The following HDAC9 variants were observed in gnomAD, a reference collection of about 807,000 sequenced individuals.
HDAC9 encodes the protein MEF-2 interacting transcription repressor (MITR) protein.
HDAC9 carries 41 observed loss-of-function variants against 139.4 expected under a neutral mutation model. That is an observed-to-expected ratio of 0.29 (90% CI 0.23 to 0.38). The LOEUF (loss-of-function observed/expected upper bound fraction) is 0.38, where lower values mean the gene tolerates loss of function less well. Ranked by LOEUF, HDAC9 falls within the 10% of genes least tolerant of loss-of-function variation. The pLI, the probability that HDAC9 is intolerant of heterozygous loss-of-function variation, is 1.00. For synonymous variants in HDAC9, 517 were observed against 476.2 expected, an observed-to-expected ratio of 1.09 and a Z score of -1.12; for missense variants, 1,147 against 1,297.0, an observed-to-expected ratio of 0.88 and a Z score of 1.78.
chr7:18,216,833 A>C (rs1373526602), intron 2 of HDAC9, among the ~76,000 whole-genome samples: 1 of 152,142 alleles, frequency 6.6e-6, no homozygotes, highest in East Asian at 1.9e-4. Flanking sequence ...CAGGGTTACT[A>C]GGCCCATCAC....
chr7:18,237,062 C>T (rs1793870099), intron 2 of HDAC9, among the ~76,000 whole-genome samples: 1 of 152,212 alleles, frequency 6.6e-6, no homozygotes, highest in Admixed American at 6.5e-5. Flanking sequence ...TGACTTAAGA[C>T]CTCCACTGGG....
chr7:18,242,897 A>G (rs540220054), intron 2 of HDAC9, among the ~76,000 whole-genome samples: 1 of 152,316 alleles, frequency 6.6e-6, no homozygotes, highest in Admixed American at 6.5e-5. Context: ...ACATTTGTTG[A>G]CAGAAAGAGA....
intron 16 of HDAC9, among the ~76,000 whole-genome samples, chr7:18,773,644 C>T (rs555162299): frequency 2.0e-5 from 3 of 152,108 alleles, no homozygotes; most frequent in African/African-American, 7.2e-5. Context: ...CTGATTGCTA[C>T]TTCTGACTGC....
intron 2 of HDAC9, among the ~76,000 whole-genome samples, chr7:18,530,162 C>T (rs995454310): frequency 2.0e-5 from 3 of 151,938 alleles, no homozygotes; most frequent in African/African-American, 7.3e-5. Context: ...CATGGTGGCA[C>T]ATGGGAGGCT....
intron 24 of HDAC9, among the ~76,000 whole-genome samples, chr7:18,955,103 A>G (rs1480486132): frequency 3.3e-5 from 5 of 152,158 alleles, no homozygotes; most frequent in African/African-American, 1.2e-4. Context: ...TTTATTGACT[A>G]CATGTCATAA....
At chr7:18,621,818 G>T (rs1000796221) in intron 6 of HDAC9, among the ~76,000 whole-genome samples, 1 of 152,148 alleles carries the variant, frequency 6.6e-6, no homozygotes, top group African/African-American at 2.4e-5. Context: ...TGTACCTTTT[G>T]TATAATTATG....
chr7:18,778,779 A>C (rs1246442247), intron 16 of HDAC9, among the ~76,000 whole-genome samples: 1 of 152,026 alleles, frequency 6.6e-6, no homozygotes, highest in Non-Finnish European at 1.5e-5. Context: ...CTTTCGCCAG[A>C]GCAAACATAT....
chr7:18,638,609 T>G (rs1406915970), intron 8 of HDAC9, among the ~76,000 whole-genome samples: 1 of 152,088 alleles, frequency 6.6e-6, no homozygotes, highest in Non-Finnish European at 1.5e-5. Context: ...AATCAGTGTT[T>G]GGAAGGCAGG....
At chr7:18,828,857 A>C (rs1188869035) in intron 17 of HDAC9, among the ~76,000 whole-genome samples, 1 of 152,216 alleles carries the variant, frequency 6.6e-6, no homozygotes, top group Non-Finnish European at 1.5e-5. Flanking sequence ...TGTTCTTGAA[A>C]ATGAATCATG....
chr7:18,194,127 C>G (rs1416830398), intron 2 of HDAC9, among the ~76,000 whole-genome samples: 1 of 152,188 alleles, frequency 6.6e-6, no homozygotes, highest in African/African-American at 2.4e-5. Context: ...ATTAGTGGGT[C>G]TAGAAAAACT....
chr7:18,322,643 G>C (rs1199922176), intron 1 of HDAC9, among the ~76,000 whole-genome samples: 1 of 152,188 alleles, frequency 6.6e-6, no homozygotes, highest in Non-Finnish European at 1.5e-5. Flanking sequence ...GGATCATGCT[G>C]ATTGCCGATT....
At chr7:18,348,396 A>C (rs543899792) in intron 1 of HDAC9, among the ~76,000 whole-genome samples, 5 of 152,100 alleles carry the variant, frequency 3.3e-5, no homozygotes, top group Non-Finnish European at 7.4e-5. Flanking sequence ...CCCTTTCTGA[A>C]TCTCAGTTTC....
intron 12 of HDAC9, among the ~76,000 whole-genome samples, chr7:18,718,536 G>C (rs893954375): frequency 6.6e-6 from 1 of 152,116 alleles, no homozygotes; most frequent in Admixed American, 6.6e-5. Flanking sequence ...CCTGGCAGGT[G>C]TGTGGTCTTT....
At chr7:18,865,589 C>A (rs549785816) in intron 21 of HDAC9, among the ~76,000 whole-genome samples, 119 of 152,196 alleles carry the variant, frequency 7.8e-4, no homozygotes, top group African/African-American at 2.4e-3. Context: ...TAGTGCCCCC[C>A]ACAAGGACCC....
rs912608542 is a variant in HDAC9 at position 18,745,878 on chromosome 7, T to C, written c.1910-3127T>C. Among the ~76,000 whole-genome samples the C allele has an allele frequency of 3.7e-5, 5 of 136,152 alleles. No individual in the cohort carries two copies. In the Admixed American group the frequency reaches 3.7e-4, roughly 10 times the overall value. 89.3% of individuals were successfully genotyped at this position (136,152 alleles called of 152,430 possible). A position where few individuals can be genotyped will look rare whatever the true frequency, so the allele number is the denominator to read the frequency against. On this transcript the variant is annotated intron_variant, in intron 13 of 25. Coordinates refer to ENST00000686413, the MANE Select transcript of HDAC9 (RefSeq NM_178425.4). ...CTACTCTTGAAGAATATATTTCTTC[T>C]TCTTCTTTTTTTTTTTTTTTTTTTT...
At position 18,159,123 on chromosome 7, in the gene HDAC9, A is replaced by G. The variant is rs150913611; in HGVS notation, c.-96-3106A>G. Among the ~76,000 whole-genome samples the G allele has an allele frequency of 7.7e-3, 1,178 of 152,324 alleles. 6 individuals are homozygous for G. The highest frequency in any genetic ancestry group is 0.012 in the Non-Finnish European group (796 of 68,028). On this transcript the variant is annotated intron_variant, in intron 1 of 12. Transcript: ENST00000417496. ...TTGCTGCACTTGTGTTTATCTCCTT[A>G]AATGTGCACGAATATGTATATGTTT...
chr7:18,417,243 A>G (rs1365278277), intron 1 of HDAC9, among the ~76,000 whole-genome samples: 2 of 148,808 alleles, frequency 1.3e-5, no homozygotes, highest in East Asian at 1.9e-4. Context: ...TTTTAATCTC[A>G]TATATTGTAG....
chr7:18,470,504 CT>C (rs1289670099), intron 1 of HDAC9, among the ~76,000 whole-genome samples: 1 of 152,074 alleles, frequency 6.6e-6, no homozygotes, highest in African/African-American at 2.4e-5. Flanking sequence ...GTAAAAGAAT[CT>C]TTCACTACAG....
intron 22 of HDAC9, among the ~76,000 whole-genome samples, chr7:18,880,263 G>A (rs117427013): frequency 0.031 from 4,717 of 152,104 alleles, 249 homozygotes; most frequent in East Asian, 0.13. Flanking sequence ...TCCTCAAAGA[G>A]CTAAAAGTAC....
Sources: gnomAD v4.1 joint callset for allele counts (sites outside exome capture counted in the v4.1 genomes callset) on GRCh38, gnomAD v4.1.1 for gene constraint, MANE v1.5 for transcripts, NCBI Gene and HGNC (gene_info 2026-07-23, HGNC 2026-07-21) for gene names.